SLC35F1: variants seen among roughly 807,000 people sequenced by gnomAD.
SLC35F1 encodes solute carrier family 35 member F1.
SLC35F1 carries 14 observed loss-of-function variants against 48.7 expected under a neutral mutation model. The observed-to-expected ratio is 0.29, with a 90% CI of 0.19 to 0.45. The LOEUF (loss-of-function observed/expected upper bound fraction) is 0.45, where lower values mean the gene tolerates loss of function less well. Ranked by LOEUF, SLC35F1 falls within the 20% of genes least tolerant of loss-of-function variation. The pLI, the probability that SLC35F1 is intolerant of heterozygous loss-of-function variation, is 1.00. For synonymous variants in SLC35F1, 190 were observed against 202.2 expected, an observed-to-expected ratio of 0.94 and a Z score of 0.51; for missense variants, 404 against 500.0, an observed-to-expected ratio of 0.81 and a Z score of 1.83.
intron 1 of SLC35F1, among the ~76,000 whole-genome samples, chr6:118,017,640 T>G (rs1777339687): frequency 6.6e-6 from 1 of 152,210 alleles, no homozygotes; most frequent in African/African-American, 2.4e-5. Context: ...TTTGTGGCTC[T>G]TGTATAAAAT....
chr6:118,266,004 T>C (rs1775769084), intron 3 of SLC35F1, among the ~76,000 whole-genome samples: 1 of 152,136 alleles, frequency 6.6e-6, no homozygotes, highest in East Asian at 1.9e-4. Flanking sequence ...GAAAGCAGAG[T>C]TATAGACCAG....
intron 2 of SLC35F1, among the ~76,000 whole-genome samples, chr6:118,231,749 C>A (rs1197474353): frequency 6.6e-6 from 1 of 152,154 alleles, no homozygotes; most frequent in Non-Finnish European, 1.5e-5. Flanking sequence ...ATTGATGGAA[C>A]AAACAGCACC....
At chr6:117,923,889 CAT>C (rs147003962) in intron 1 of SLC35F1, among the ~76,000 whole-genome samples, 31,881 of 146,854 alleles carry the variant, frequency 0.22, 3,930 homozygotes, top group African/African-American at 0.32. Flanking sequence ...TGTAGATACA[CAT>C]ATACACATAT....
At position 118,197,500 on chromosome 6, in the gene SLC35F1, A is replaced by C. The variant is rs564971695; in HGVS notation, c.350-38009A>C. Among the ~76,000 whole-genome samples, 7 of 152,318 alleles carry C rather than the reference A, an allele frequency of 4.6e-5. No homozygotes were observed. The East Asian group carries it at 1.2e-3, about 25-fold the overall frequency. On this transcript the variant is annotated intron_variant, in intron 2 of 7. Transcript: ENST00000360388. ...TACAGAGGCTCAGACAAACTCTCCT[A>C]TCTCTGGGATTAAGTAAAAGTTTCC... is the stretch of plus-strand genomic sequence containing the variant.
At chr6:118,042,791 C>T (rs1033270744) in intron 1 of SLC35F1, among the ~76,000 whole-genome samples, 2 of 152,080 alleles carry the variant, frequency 1.3e-5, no homozygotes, top group Non-Finnish European at 2.9e-5. Flanking sequence ...GACAATTCTG[C>T]CTTAGAAGCT....
At chr6:118,230,790 C>G (rs1177207254) in intron 2 of SLC35F1, among the ~76,000 whole-genome samples, 3 of 152,038 alleles carry the variant, frequency 2.0e-5, no homozygotes, top group Non-Finnish European at 4.4e-5. Flanking sequence ...TCAAGACCAC[C>G]TGGGCAACAT....
chr6:118,067,834 C>T (rs1483642507), intron 1 of SLC35F1, among the ~76,000 whole-genome samples: 1 of 152,088 alleles, frequency 6.6e-6, no homozygotes, highest in African/African-American at 2.4e-5. Flanking sequence ...CTGTGCCCCA[C>T]TCCTGAGTGT....
At chr6:118,284,105 A>G (rs556571993) in intron 6 of SLC35F1, among the ~76,000 whole-genome samples, 2 of 152,202 alleles carry the variant, frequency 1.3e-5, no homozygotes, top group Non-Finnish European at 2.9e-5. Context: ...GGTAAACCCA[A>G]TTTATCTTTG....
At chr6:117,999,655 C>T (rs1265129498) in intron 1 of SLC35F1, among the ~76,000 whole-genome samples, 1 of 151,284 alleles carries the variant, frequency 6.6e-6, no homozygotes, top group African/African-American at 2.4e-5. Context: ...TTAATGAATC[C>T]AGGAGCTGGT....
At chr6:117,981,496 G>A (rs1156232077) in intron 1 of SLC35F1, among the ~76,000 whole-genome samples, 1 of 151,972 alleles carries the variant, frequency 6.6e-6, no homozygotes, top group Non-Finnish European at 1.5e-5. Context: ...AGGGAGGATT[G>A]AGGGAGGTGA....
chr6:118,041,371 C>T (rs150204597), intron 1 of SLC35F1, among the ~76,000 whole-genome samples: 1,712 of 152,210 alleles, frequency 0.011, 38 homozygotes, highest in African/African-American at 0.038. Context: ...CATACTCCAA[C>T]CCTCCTATAA....
At chr6:117,974,846 G>A (rs1362920005) in intron 1 of SLC35F1, among the ~76,000 whole-genome samples, 2 of 152,124 alleles carry the variant, frequency 1.3e-5, no homozygotes, top group Admixed American at 1.3e-4. Context: ...TTACATTTTT[G>A]CAAATCTCTT....
At chr6:118,119,466 A>G (rs1773520923) in intron 1 of SLC35F1, among the ~76,000 whole-genome samples, 1 of 143,758 alleles carries the variant, frequency 7.0e-6, no homozygotes, top group African/African-American at 2.5e-5. Flanking sequence ...ATATTAGCTG[A>G]TTTTTACATG....
intron 3 of SLC35F1, among the ~76,000 whole-genome samples, chr6:118,239,266 G>A (rs1775405998): frequency 1.3e-5 from 2 of 149,634 alleles, no homozygotes; most frequent in Non-Finnish European, 3.0e-5. Context: ...CATGTTTGAA[G>A]AAGTTAATTG....
rs192125190 is a variant in SLC35F1 at position 118,289,943 on chromosome 6, A to G, written c.1002+4605A>G. ...CCATTTTTTTAACCCAGGCTTCCTT[A>G]ACCATGGCGATGTTGATATTTTAGA... On this transcript the variant is annotated intron_variant, in intron 7 of 7. Transcript: ENST00000360388. 5.9e-5 allele frequency among the ~76,000 whole-genome samples: 9 copies of G among 152,326 alleles called. No individual in the cohort carries two copies. The East Asian group carries it at 7.7e-4, about 13-fold the overall frequency.
chr6:117,969,421 A>C (rs1776611349), intron 1 of SLC35F1, among the ~76,000 whole-genome samples: 1 of 152,194 alleles, frequency 6.6e-6, no homozygotes, highest in Admixed American at 6.5e-5. Flanking sequence ...CTGATTCAGA[A>C]ACGTAATGTA....
intron 1 of SLC35F1, among the ~76,000 whole-genome samples, chr6:117,965,539 A>G (rs1689991427): frequency 6.6e-6 from 1 of 152,166 alleles, no homozygotes; most frequent in African/African-American, 2.4e-5. Flanking sequence ...AGGGAGGAAG[A>G]GCACCCGTCC....
intron 1 of SLC35F1, among the ~76,000 whole-genome samples, chr6:118,019,172 G>A (rs1276573535): frequency 6.6e-6 from 1 of 151,244 alleles, no homozygotes; most frequent in Non-Finnish European, 1.5e-5. Flanking sequence ...AAATATAATT[G>A]TAATTTTAGA....
intron 2 of SLC35F1, among the ~76,000 whole-genome samples, chr6:118,211,235 T>C (rs923662899): frequency 5.3e-5 from 8 of 152,222 alleles, no homozygotes; most frequent in Non-Finnish European, 8.8e-5. Flanking sequence ...GCAGCCTTAG[T>C]AAACTGACAG....
Sources: allele counts gnomAD v4.1 joint callset (sites outside exome capture counted in the v4.1 genomes callset), GRCh38; gene constraint gnomAD v4.1.1; transcripts MANE v1.5; gene names NCBI Gene and HGNC (gene_info 2026-07-23, HGNC 2026-07-21).